The following CCDC178 variants were observed in gnomAD, a reference collection of about 807,000 sequenced individuals.
CCDC178 encodes coiled-coil domain containing 178, also known as coiled-coil domain-containing protein 178.
A neutral mutation model predicts 117.4 loss-of-function variants in CCDC178; 126 were observed. That is an observed-to-expected ratio of 1.07 (90% CI 0.93 to 1.24). The LOEUF is 1.24. Among genes scored for constraint, CCDC178 ranks in the 50% most tolerant of loss-of-function variants. The probability of loss-of-function intolerance (pLI) is 0.00; values close to 1 mark genes in which losing one functional copy is unlikely to be tolerated. For missense variants in CCDC178, 1,030 were observed against 986.9 expected, an observed-to-expected ratio of 1.04 and a Z score of -0.59; for synonymous variants, 283 against 313.4, an observed-to-expected ratio of 0.90 and a Z score of 1.02.
intron 5 of CCDC178, among the ~76,000 whole-genome samples, chr18:33,388,236 A>G (rs1302603141): frequency 6.6e-6 from 1 of 152,208 alleles, no homozygotes; most frequent in Non-Finnish European, 1.5e-5. Context: ...GACGTTGCAG[A>G]GAAATAATTC....
chr18:33,409,187 G>A (rs1371350939), intron 3 of CCDC178, among the ~76,000 whole-genome samples: 1 of 152,060 alleles, frequency 6.6e-6, no homozygotes, highest in Non-Finnish European at 1.5e-5. Flanking sequence ...TGGTTCAAGG[G>A]ATCCTCCTAT....
chr18:33,040,994 T>C (rs2056539705), intron 21 of CCDC178, among the ~76,000 whole-genome samples: 1 of 151,946 alleles, frequency 6.6e-6, no homozygotes, highest in Admixed American at 6.6e-5. Flanking sequence ...ACTCAATTTT[T>C]AAAGTAGAAT....
chr18:32,984,398 A>C (rs943596433), intron 21 of CCDC178, among the ~76,000 whole-genome samples: 2 of 151,944 alleles, frequency 1.3e-5, no homozygotes, highest in African/African-American at 4.8e-5. Flanking sequence ...ATGATAATAC[A>C]CACTATTACA....
chr18:32,997,120 A>T (rs2144758565), intron 21 of CCDC178, among the ~76,000 whole-genome samples: 1 of 152,110 alleles, frequency 6.6e-6, no homozygotes, highest in South Asian at 2.1e-4. Context: ...TTCATGTAAA[A>T]TTTTTTCAAT....
intron 21 of CCDC178, among the ~76,000 whole-genome samples, chr18:32,981,591 A>C (rs2055155995): frequency 6.6e-6 from 1 of 152,176 alleles, no homozygotes; most frequent in Admixed American, 6.5e-5. Context: ...CATCCTCCAC[A>C]TTTTGTGGCT....
chr18:32,983,282 T>C, intron 21 of CCDC178: 1 of 1,517,766 alleles, frequency 6.6e-7, no homozygotes, highest in Non-Finnish European at 8.8e-7. Context: ...CACAGGTACC[T>C]GAAAATTTGA....
chr18:33,139,457 A>G (rs2058170246), intron 20 of CCDC178, among the ~76,000 whole-genome samples: 1 of 152,192 alleles, frequency 6.6e-6, no homozygotes, highest in African/African-American at 2.4e-5. Context: ...AAATGCTGAT[A>G]GTGATATGAA....
chr18:32,992,014 G>T (rs1030331496), intron 21 of CCDC178, among the ~76,000 whole-genome samples: 1 of 152,144 alleles, frequency 6.6e-6, no homozygotes, highest in Non-Finnish European at 1.5e-5. Flanking sequence ...CACCTCAAAA[G>T]TGGGTACATA....
chr18:33,176,569 G>C (rs2058666749), intron 20 of CCDC178, among the ~76,000 whole-genome samples: 1 of 152,016 alleles, frequency 6.6e-6, no homozygotes, highest in Non-Finnish European at 1.5e-5. Flanking sequence ...TCTTTCACTA[G>C]AAGACAAATA....
At chr18:33,319,618 C>T (rs1395422419) in intron 11 of CCDC178, among the ~76,000 whole-genome samples, 1 of 152,180 alleles carries the variant, frequency 6.6e-6, no homozygotes, top group Non-Finnish European at 1.5e-5. Context: ...AATCGCCACA[C>T]TGTCTTCCAC....
chr18:33,040,919 G>A (rs1335090288), intron 21 of CCDC178, among the ~76,000 whole-genome samples: 1 of 151,894 alleles, frequency 6.6e-6, no homozygotes, highest in Non-Finnish European at 1.5e-5. Flanking sequence ...GCAATTGTAG[G>A]TCTAAGGCTA....
intron 21 of CCDC178, among the ~76,000 whole-genome samples, chr18:33,050,399 A>G (rs886811373): frequency 6.6e-6 from 1 of 152,220 alleles, no homozygotes; most frequent in Non-Finnish European, 1.5e-5. Flanking sequence ...GAGTAATGGC[A>G]GACATTTTTT....
intron 20 of CCDC178, among the ~76,000 whole-genome samples, chr18:33,102,201 A>C (rs1271830556): frequency 6.6e-6 from 1 of 151,804 alleles, no homozygotes; most frequent in African/African-American, 2.4e-5. Context: ...AACGGAAGTC[A>C]ATTTCTTGCC....
chr18:33,299,991 C>T (rs932885826), intron 11 of CCDC178, among the ~76,000 whole-genome samples: 2 of 152,102 alleles, frequency 1.3e-5, no homozygotes, highest in African/African-American at 2.4e-5. Context: ...CATGCTGAGC[C>T]GTAATCCCCA....
intron 21 of CCDC178, among the ~76,000 whole-genome samples, chr18:33,070,856 A>G (rs746181187): frequency 1.3e-5 from 2 of 152,118 alleles, no homozygotes; most frequent in Non-Finnish European, 2.9e-5. Flanking sequence ...ACAAAGAGAC[A>G]GTTTTCAAAT....
At chr18:33,086,121 T>C (rs937232315) in intron 21 of CCDC178, among the ~76,000 whole-genome samples, 13 of 151,932 alleles carry the variant, frequency 8.6e-5, no homozygotes, top group Admixed American at 8.5e-4. Context: ...TTTATTGTAA[T>C]TTTTTAAACA....
chr18:33,279,074 T>C (rs2059989343), intron 12 of CCDC178, among the ~76,000 whole-genome samples: 1 of 152,070 alleles, frequency 6.6e-6, no homozygotes, highest in African/African-American at 2.4e-5. Flanking sequence ...TCACCACTCC[T>C]ATTCAACATA....
At chr18:32,992,983 T>C (rs898496241) in intron 21 of CCDC178, among the ~76,000 whole-genome samples, 26 of 152,096 alleles carry the variant, frequency 1.7e-4, no homozygotes, top group African/African-American at 6.0e-4. Flanking sequence ...CTGGCCAACA[T>C]GGTGAAGCCC....
rs192849862 is a variant in CCDC178, at chr18:33,080,996, C to A, written c.2388+11765G>T. Among the ~76,000 whole-genome samples the A allele has an allele frequency of 2.6e-5, 4 of 152,138 alleles. No individual in the cohort carries two copies. The East Asian group carries it at 5.8e-4, about 22-fold the overall frequency. On this transcript the variant is annotated intron_variant, in intron 21 of 22. Transcript: ENST00000383096. ...GATAGCCCATAAAAGGAAAAAGAAACACCTTATAGGAAGTAGGGAAACTTG... is the reference window on the plus strand; with the variant it reads ...GATAGCCCATAAAAGGAAAAAGAAAAACCTTATAGGAAGTAGGGAAACTTG...
Sources: gnomAD v4.1 joint callset for allele counts (sites outside exome capture counted in the v4.1 genomes callset) on GRCh38, gnomAD v4.1.1 for gene constraint, MANE v1.5 for transcripts, NCBI Gene and HGNC (gene_info 2026-07-23, HGNC 2026-07-21) for gene names.